Variants in OSBPL6 observed in about 807,000 individuals in gnomAD.
OSBPL6 encodes the protein oxysterol-binding protein-related protein 6.
A neutral mutation model predicts 125.8 loss-of-function variants in OSBPL6; 49 were observed. The ratio of observed to expected loss-of-function variants is 0.39; its 90% CI spans 0.31 to 0.49. The LOEUF (loss-of-function observed/expected upper bound fraction) is 0.49. Among genes scored for constraint, OSBPL6 ranks in the 20% least tolerant of loss-of-function variants. The pLI is 0.88. For missense variants in OSBPL6, 986 were observed against 1,135.4 expected, an observed-to-expected ratio of 0.87 and a Z score of 1.89; for synonymous variants, 394 against 391.8, an observed-to-expected ratio of 1.01 and a Z score of -0.07.
intron 11 of OSBPL6, among the ~76,000 whole-genome samples, chr2:178,340,520 G>A (rs539026009): frequency 6.6e-6 from 1 of 151,986 alleles, no homozygotes; most frequent in African/African-American, 2.4e-5. Flanking sequence ...TTATTGTGTT[G>A]CAGTGATTCA....
intron 2 of OSBPL6, among the ~76,000 whole-genome samples, chr2:178,288,939 C>T (rs190173287): frequency 6.6e-4 from 97 of 147,500 alleles, no homozygotes; most frequent in African/African-American, 2.3e-3. Flanking sequence ...TGTGAGCCAC[C>T]GTGCCCGGCC....
At chr2:178,327,005 C>A (rs1688749508) in intron 4 of OSBPL6, among the ~76,000 whole-genome samples, 1 of 151,002 alleles carries the variant, frequency 6.6e-6, no homozygotes, top group South Asian at 2.1e-4. Context: ...TTTGGGGGCT[C>A]TGGGGAAAGG....
intron 11 of OSBPL6, among the ~76,000 whole-genome samples, chr2:178,342,846 AG>A (rs1157551118): frequency 6.6e-6 from 1 of 152,228 alleles, no homozygotes; most frequent in African/African-American, 2.4e-5. Flanking sequence ...AGTACATAGT[AG>A]CAGACAGATG....
intron 15 of OSBPL6, among the ~76,000 whole-genome samples, chr2:178,379,927 A>G (rs1196458690): frequency 6.6e-6 from 1 of 152,228 alleles, no homozygotes; most frequent in Non-Finnish European, 1.5e-5. Context: ...CCCTAAATAT[A>G]TGAACTCTTC....
chr2:178,319,966 T>C (rs1227664681), intron 3 of OSBPL6, among the ~76,000 whole-genome samples: 1 of 152,106 alleles, frequency 6.6e-6, no homozygotes, highest in African/African-American at 2.4e-5. Flanking sequence ...TTCTCTTTAC[T>C]ACTGTCCTAA....
Position 178,396,066 on chromosome 2 carries a change from T to C in OSBPL6, c.*507T>C, listed in dbSNP as rs1161497164. The C allele has an allele frequency of 1.8e-5, 4 of 226,156 alleles. No homozygotes were observed. Among genetic ancestry groups the C allele is most frequent in the Non-Finnish European group, 3.6e-5 (4 of 110,162 alleles). The allele number at this position is 226,156 out of a possible 1,614,324, so 14.0% of individuals were successfully genotyped here. A position where few individuals can be genotyped will look rare whatever the true frequency, so the allele number is the denominator to read the frequency against. On this transcript the variant is annotated 3_prime_UTR_variant, in exon 25 of 25. Coordinates refer to ENST00000190611, the MANE Select transcript of OSBPL6 (RefSeq NM_032523.4). ...TGTGCTGGCCTTGTCGAAAAAGATG[T>C]GATGCTTCTCAGAACCTGTTCCATC...
intron 1 of OSBPL6, among the ~76,000 whole-genome samples, chr2:178,273,837 AT>A: frequency 6.6e-6 from 1 of 152,246 alleles, no homozygotes; most frequent in East Asian, 1.9e-4. Context: ...ACTTATTTTG[AT>A]TTGTCCATAG....
At chr2:178,375,845 A>G (rs919339800) in intron 15 of OSBPL6, among the ~76,000 whole-genome samples, 1 of 152,136 alleles carries the variant, frequency 6.6e-6, no homozygotes, top group Non-Finnish European at 1.5e-5. Flanking sequence ...CCTGGGGCAC[A>G]CCCCAGCTGG....
intron 1 of OSBPL6, among the ~76,000 whole-genome samples, chr2:178,204,109 C>T (rs10168967): frequency 0.016 from 2,382 of 151,288 alleles, 68 homozygotes; most frequent in African/African-American, 0.054. Context: ...CTGCAACCTC[C>T]GCCTGCTGGG....
intron 18 of OSBPL6, among the ~76,000 whole-genome samples, chr2:178,384,973 A>T (rs1694807114): frequency 6.6e-6 from 1 of 152,164 alleles, no homozygotes; most frequent in Non-Finnish European, 1.5e-5. Flanking sequence ...AGTTAAGAAA[A>T]CTAACACAAG....
chr2:178,317,378 G>C (rs1455943055), intron 3 of OSBPL6, among the ~76,000 whole-genome samples: 1 of 144,742 alleles, frequency 6.9e-6, no homozygotes, highest in African/African-American at 2.6e-5. Flanking sequence ...CTTCTTTCCT[G>C]CTTACATTTG....
At chr2:178,281,891 C>A (rs1479786977) in intron 1 of OSBPL6, among the ~76,000 whole-genome samples, 1 of 152,118 alleles carries the variant, frequency 6.6e-6, no homozygotes, top group African/African-American at 2.4e-5. Flanking sequence ...TGCAGCAAAC[C>A]ACCGTGGCAC....
At chr2:178,230,818 A>G (rs1265012518) in intron 1 of OSBPL6, among the ~76,000 whole-genome samples, 1 of 152,204 alleles carries the variant, frequency 6.6e-6, no homozygotes, top group Admixed American at 6.5e-5. Flanking sequence ...TATAGCACAA[A>G]TACCTTCCAT....
intron 15 of OSBPL6, among the ~76,000 whole-genome samples, chr2:178,375,714 C>A (rs1010582725): frequency 3.9e-5 from 6 of 152,154 alleles, no homozygotes; most frequent in South Asian, 2.1e-4. Context: ...TGAGCCACTG[C>A]GCCCGACCCC....
At chr2:178,317,437 CATATATAT>C (rs6147046) in intron 3 of OSBPL6, among the ~76,000 whole-genome samples, 4,051 of 106,708 alleles carry the variant, frequency 0.038, 104 homozygotes, top group South Asian at 0.062. Context: ...ACTTAGACAC[CATATATAT>C]ATATATATAT....
chr2:178,372,916 G>A (rs936299638), intron 14 of OSBPL6, among the ~76,000 whole-genome samples: 3 of 152,128 alleles, frequency 2.0e-5, no homozygotes, highest in Non-Finnish European at 4.4e-5. Context: ...GTATAATTCT[G>A]TTTATGACTC....
rs1025877083 is a variant in OSBPL6 at position 178,401,723 on chromosome 2, G to A, written c.*6164G>A. On this transcript the variant is annotated 3_prime_UTR_variant, in exon 25 of 25. Coordinates refer to ENST00000190611, the MANE Select transcript of OSBPL6 (RefSeq NM_032523.4). Reference sequence around the variant, plus strand: ...AAATCATCTTGGATATTTGTTTACAGGCTGATTCCTGAGTTTCCCTCCAAA... The same window carrying A: ...AAATCATCTTGGATATTTGTTTACAAGCTGATTCCTGAGTTTCCCTCCAAA... 4 of 152,254 alleles carry A rather than the reference G, an allele frequency of 2.6e-5. No homozygotes were observed. The highest frequency in any genetic ancestry group is 2.0e-4 in the Admixed American group (3 of 15,290). 9.4% of individuals were successfully genotyped at this position (152,254 alleles called of 1,614,324 possible).
chr2:178,351,324 T>A (rs779738114), intron 12 of OSBPL6, among the ~76,000 whole-genome samples: 1 of 152,162 alleles, frequency 6.6e-6, no homozygotes, highest in Non-Finnish European at 1.5e-5. Context: ...GCAAATGACA[T>A]GATCCTATGT....
intron 1 of OSBPL6, among the ~76,000 whole-genome samples, chr2:178,208,983 C>CACT (rs1238430323): frequency 6.6e-6 from 1 of 151,984 alleles, no homozygotes; most frequent in Non-Finnish European, 1.5e-5. Context: ...GGCTTTAGTC[C>CACT]ACTGCCCCCT....
Sources: gnomAD v4.1 joint callset for allele counts (sites outside exome capture counted in the v4.1 genomes callset) on GRCh38, gnomAD v4.1.1 for gene constraint, MANE v1.5 for transcripts, NCBI Gene and HGNC (gene_info 2026-07-23, HGNC 2026-07-21) for gene names.